DDX56: variants seen among roughly 807,000 people sequenced by gnomAD.
DDX56 encodes the protein DEAD-box helicase 56.
DDX56 carries 45 observed loss-of-function variants against 61.5 expected under a neutral mutation model. That is an observed-to-expected ratio of 0.73 (90% confidence interval 0.58 to 0.94). The LOEUF (loss-of-function observed/expected upper bound fraction) is 0.94. Ranked by LOEUF, DDX56 falls within the 40% of genes least tolerant of loss-of-function variation. DDX56 has a pLI of 0.00. For synonymous variants in DDX56, 273 were observed against 268.3 expected (o/e 1.02, Z -0.17); for missense variants, 708 against 690.7 (o/e 1.02, Z -0.28).
Position 44,571,552 on chromosome 7 carries a change from A to G in DDX56, c.830T>C (p.Phe277Ser), listed in dbSNP as rs781613764. Residue 277 changes from phenylalanine to serine, a missense_variant, in exon 6 of 14, where the codon TTC (phenylalanine) becomes TCC (serine). Physicochemically the swap from Phe to Ser is radical, Grantham distance 155 (BLOSUM62 -2). Coordinates refer to ENST00000258772, the MANE Select transcript of DDX56 (RefSeq NM_019082.4). ...GGTGGGGATGCTGAACTGTTCCAAG[A>G]ACAGGCGTAGCCGGTAACTCCGTTC... ...TLERSYRLRLFLEQFSIPTCV... is the reference protein window; with the variant it reads ...TLERSYRLRLSLEQFSIPTCV... 6.2e-7 allele frequency: 1 copy of G among 1,614,114 alleles called. No individual in the cohort carries two copies. Among genetic ancestry groups the G allele is most frequent in the East Asian group, 2.2e-5 (1 of 44,892 alleles).
chr7:44,568,786 C>A, intron 11 of DDX56, 117 bp downstream of exon 11: 1 of 781,838 alleles, frequency 1.3e-6, no homozygotes. Context: ...CCTCCCCTTC[C>A]GTGCCAAAGG....
rs190166771 is a variant in DDX56 at position 44,572,783 on chromosome 7, G to A, written c.384-39C>T. ...AGACATCAGTATCAGGCAGAATGTA[G>A]CAGCTGGGATCTCACCCTGGATTTG... is the stretch of plus-strand genomic sequence containing the variant. On this transcript the variant is annotated intron_variant, in intron 3 of 13. Transcript: ENST00000258772. 3.8e-3 allele frequency: 6,094 copies of A among 1,611,128 alleles called. 16 individuals are homozygous for A. Among genetic ancestry groups the A allele is most frequent in the Non-Finnish European group, 4.3e-3 (5,017 of 1,177,502 alleles).
Position 44,569,258 on chromosome 7 carries a change from T to C in DDX56, c.1220-55A>G, listed in dbSNP as rs1014789496. On this transcript the variant is annotated intron_variant, in intron 9 of 13. Transcript: ENST00000258772. Reference sequence around the variant, plus strand: ...CAGGCTGAGGCCTTAGGATAGGGTCTTCATTGGAGGCCTCCTGCACCTCCC... The same window carrying C: ...CAGGCTGAGGCCTTAGGATAGGGTCCTCATTGGAGGCCTCCTGCACCTCCC... The C allele has an allele frequency of 5.9e-6, 9 of 1,536,552 alleles. No individual in the cohort carries two copies. In the African/African-American group the frequency reaches 1.1e-4, roughly 19 times the overall value.
chr7:44,573,050 T>C lies in DDX56; in HGVS notation c.223A>G (p.Thr75Ala). ...MLQLLLHRKA[T>A]GPVVEQAVRG... ...ACTGCCTGTTCTACCACCGGACCTG[T>C]CTGTAAGAATATGAATTAAAGACTT... Residue 75 changes from threonine (T) to alanine (A), a missense_variant and splice_region_variant, in exon 3 of 14, where the codon ACA becomes GCA. Physicochemically the swap from Thr to Ala is moderately conservative, Grantham distance 58 (BLOSUM62 0). Coordinates refer to ENST00000258772, the MANE Select transcript of DDX56 (RefSeq NM_019082.4). 1 of 1,566,516 alleles carries C rather than the reference T, an allele frequency of 6.4e-7. No homozygotes were observed. The highest frequency in any genetic ancestry group is 8.6e-7 in the Non-Finnish European group (1 of 1,157,900).
At chr7:44,569,487 G>C (rs185231509) in intron 9 of DDX56, among the ~76,000 whole-genome samples, 1 of 152,240 alleles carries the variant, frequency 6.6e-6, no homozygotes, top group African/African-American at 2.4e-5. Flanking sequence ...TGGGAGTCAA[G>C]GTACCCCCAT....
At position 44,573,577 on chromosome 7, in the gene DDX56, A is replaced by G. The variant is rs771577632; in HGVS notation, c.222+6T>C. The G allele has an allele frequency of 6.2e-7, 1 of 1,612,372 alleles. No individual in the cohort carries two copies. The highest frequency in any genetic ancestry group is 1.1e-5 in the South Asian group (1 of 91,058). On this transcript the variant is annotated splice_donor_region_variant and intron_variant, in intron 2 of 13. Transcript: ENST00000258772. ...CCTTCCTCCCCTCAGCTCTCTCGTTACCCACCGCCTTCCTATGGAGCAACA... is the reference window on the plus strand; with the variant it reads ...CCTTCCTCCCCTCAGCTCTCTCGTTGCCCACCGCCTTCCTATGGAGCAACA...
In DDX56 at chr7:44,566,506, C is replaced by T; in HGVS notation, c.1508G>A (p.Gly503Asp). The T allele has an allele frequency of 6.4e-7, 1 of 1,564,054 alleles. No individual in the cohort carries two copies. The highest frequency in any genetic ancestry group is 8.7e-7 in the Non-Finnish European group (1 of 1,152,856). ...PDYLVPPALRGLVRPHKKRKK... is the reference protein window; with the variant it reads ...PDYLVPPALRDLVRPHKKRKK... ...CCGCTTCTTGTGAGGGCGCACCAGGCCACGGAGAGCAGGAGGAACTGGAAG... is the reference window on the plus strand; with the variant it reads ...CCGCTTCTTGTGAGGGCGCACCAGGTCACGGAGAGCAGGAGGAACTGGAAG... The change falls in exon 13 of 14, where the codon GGC becomes GAC. Residue 503 changes from glycine to aspartate, a missense_variant. Gly to Asp is a moderately conservative substitution (Grantham distance 94). Coordinates refer to ENST00000258772, the MANE Select transcript of DDX56 (RefSeq NM_019082.4).
chr7:44,573,850 G>T lies in DDX56; in HGVS notation c.46C>A (p.Pro16Thr). The change falls in exon 1 of 14, where the codon CCC becomes ACC. Residue 16 changes from proline (P) to threonine (T), a missense_variant. Pro to Thr is a conservative substitution (Grantham distance 38, BLOSUM62 -1). Coordinates refer to ENST00000258772, the MANE Select transcript of DDX56 (RefSeq NM_019082.4). ...CTCGCGTGTACCTGAAGGAGCCGGG[G>T]ATCGAGGCCCATGTGTTCGAAGCCC... ...ALGFEHMGLD[P>T]RLLQAVTDLG... is the part of the protein sequence containing the mutation. 5.6e-6 allele frequency: 9 copies of T among 1,613,326 alleles called. No homozygotes were observed. The highest frequency in any genetic ancestry group is 7.6e-6 in the Non-Finnish European group (9 of 1,180,002).
At chr7:44,572,216 C>G in intron 5 of DDX56, 131 bp downstream of exon 5, 1 of 714,558 alleles carries the variant, frequency 1.4e-6, no homozygotes, top group South Asian at 1.7e-5. Context: ...TTTAGTGCCT[C>G]AGGACCAGGG....
Position 44,570,020 on chromosome 7 carries a change from A to G in DDX56, c.1119T>C (p.Ala373=), listed in dbSNP as rs934699939. The G allele has an allele frequency of 1.2e-6, 2 of 1,614,194 alleles. No individual in the cohort carries two copies. Among genetic ancestry groups the G allele is most frequent in the Admixed American group, 3.3e-5 (2 of 60,008 alleles). The part of the protein sequence containing the change: ...PPTPEAYIHR[A]GRTARANNPG... ...CTGGGCCGTCACACTACTACCTGCC[A>G]GCTCGATGGATGTAGGCCTCAGGGG... Residue 373 remains alanine (A), a synonymous_variant, in exon 8 of 14, where the codon GCT becomes GCC. Transcript: ENST00000258772.
Position 44,566,039 on chromosome 7 carries a change from T to C in DDX56, c.1607A>G (p.Lys536Arg), listed in dbSNP as rs371652900. ...SQNPLRSFKH[K>R]GKKFRPTAKP... ...GGCTGTGGGTCTGAATTTCTTTCCT[T>C]TGTGCTTGAAGCTGCGCAGTGGGTT... Residue 536 changes from lysine (K) to arginine (R), a missense_variant, in exon 14 of 14, where the codon AAA becomes AGA. Coordinates refer to ENST00000258772, the MANE Select transcript of DDX56 (RefSeq NM_019082.4). The C allele has an allele frequency of 9.0e-5, 145 of 1,612,890 alleles. No homozygotes were observed. Among genetic ancestry groups the C allele is most frequent in the Admixed American group, 1.8e-4 (11 of 59,954 alleles).
intron 6 of DDX56, 84 bp from the exon 7 acceptor site, chr7:44,570,961 A>C: frequency 1.4e-6 from 2 of 1,476,248 alleles, no homozygotes; most frequent in Non-Finnish European, 1.8e-6. Flanking sequence ...AGTAACCATC[A>C]CCCTTTCCTT....
chr7:44,569,061 AGCAAGACGGT>A, intron 10 of DDX56, 59 bp downstream of exon 10: 1 of 1,611,584 alleles, frequency 6.2e-7, no homozygotes, highest in Non-Finnish European at 8.5e-7. Flanking sequence ...CTGGATGCTC[AGCAAGACGGT>A]GCAATCCCTG....
chr7:44,570,086 G>A lies in DDX56; in HGVS notation c.1053C>T (p.Phe351=), dbSNP rs756765314. The A allele has an allele frequency of 6.2e-7, 1 of 1,614,150 alleles. No individual in the cohort carries two copies. Among genetic ancestry groups the A allele is most frequent in the Non-Finnish European group, 8.5e-7 (1 of 1,180,022 alleles). ...AGTTGAGCACAGCAGACACATGGTG[G>A]AAGTCTATGCCCCGGGCCACACCTG... The part of the protein sequence containing the change: ...PEAGVARGID[F]HHVSAVLNFD... Residue 351 remains phenylalanine (F), a synonymous_variant, in exon 8 of 14, where the codon TTC becomes TTT. Transcript: ENST00000258772.
chr7:44,568,086 T>C, intron 12 of DDX56, 32 bp downstream of exon 12: 1 of 1,548,924 alleles, frequency 6.5e-7, no homozygotes, highest in Non-Finnish European at 8.9e-7. Flanking sequence ...TTCCCCAGCC[T>C]GCTGCCTCCT....
chr7:44,566,024 C>G lies in DDX56; in HGVS notation c.1622G>C (p.Arg541Thr), dbSNP rs1487888877. The G allele has an allele frequency of 6.2e-7, 1 of 1,612,994 alleles. No individual in the cohort carries two copies. Among genetic ancestry groups the G allele is most frequent in the Admixed American group, 1.7e-5 (1 of 59,962 alleles). Residue 541 changes from arginine (R) to threonine (T), a missense_variant, in exon 14 of 14, where the codon AGA (arginine) becomes ACA (threonine). Coordinates refer to ENST00000258772, the MANE Select transcript of DDX56 (RefSeq NM_019082.4). ...RSFKHKGKKF[R>T]PTAKPS ...ACCTCAGGAGGGCTTGGCTGTGGGTCTGAATTTCTTTCCTTTGTGCTTGAA... is the reference window on the plus strand; with the variant it reads ...ACCTCAGGAGGGCTTGGCTGTGGGTGTGAATTTCTTTCCTTTGTGCTTGAA...
Position 44,572,629 on chromosome 7 carries a change from C to T in DDX56, c.499G>A (p.Glu167Lys). The change falls in exon 4 of 14, where the codon GAA becomes AAA. Residue 167 changes from glutamate to lysine, a missense_variant. Physicochemically the swap from Glu to Lys is moderately conservative, Grantham distance 56. Transcript: ENST00000258772. ...CCAAAGGAAAAAAGAAGGTCAGCTTCGTCCACCACCAAAAGCTCCAGGGAG... is the reference window on the plus strand; with the variant it reads ...CCAAAGGAAAAAAGAAGGTCAGCTTTGTCCACCACCAAAAGCTCCAGGGAG... ...RDSLELLVVDEADLLFSFGFE... is the reference protein window; with the variant it reads ...RDSLELLVVDKADLLFSFGFE... The T allele has an allele frequency of 7.4e-6, 12 of 1,614,192 alleles. No homozygotes were observed. The highest frequency in any genetic ancestry group is 1.0e-5 in the Non-Finnish European group (12 of 1,180,044).
In DDX56 at chr7:44,570,817, A is replaced by G; in HGVS notation, c.951T>C (p.Ala317=). 1 of 1,614,012 alleles carries G rather than the reference A, an allele frequency of 6.2e-7. No homozygotes were observed. The highest frequency in any genetic ancestry group is 8.5e-7 in the Non-Finnish European group (1 of 1,179,900). ...CCTTGACTGGGGCCCCCAGGACTTC[A>G]GCATCAGTTGCTATGACACAGTCGT... is the stretch of plus-strand genomic sequence containing the variant. ...GFYDCVIATD[A]EVLGAPVKGK... The change falls in exon 7 of 14, where the codon GCT becomes GCC. Residue 317 remains alanine (A), a synonymous_variant. Transcript: ENST00000258772.
At position 44,569,801 on chromosome 7, in the gene DDX56, G is replaced by A; in HGVS notation, c.1219+8C>T. On this transcript the variant is annotated splice_region_variant and intron_variant, in intron 9 of 13. Transcript: ENST00000258772. ...CCTGGCCCAGGACCACAAGAGCCAG[G>A]CTCTTACCTCCACTGAGAAGCTCCT... 6.2e-7 allele frequency: 1 copy of A among 1,602,064 alleles called. No homozygotes were observed. Among genetic ancestry groups the A allele is most frequent in the Non-Finnish European group, 8.5e-7 (1 of 1,172,460 alleles).
Sources: gnomAD v4.1 joint callset for allele counts (sites outside exome capture counted in the v4.1 genomes callset) on GRCh38, gnomAD v4.1.1 for gene constraint, MANE v1.5 for transcripts, NCBI Gene and HGNC (gene_info 2026-07-23, HGNC 2026-07-21) for gene names.